TNFSF4: variants seen among roughly 807,000 people sequenced by gnomAD.
TNFSF4 encodes the protein TNF superfamily member 4, also known as tumor necrosis factor ligand superfamily member 4.
TNFSF4 carries 4 observed loss-of-function variants against 7.3 expected under a neutral mutation model. The ratio of observed to expected loss-of-function variants is 0.55; its 90% confidence interval spans 0.27 to 1.25. TNFSF4 has a LOEUF of 1.25. Ranked by LOEUF, TNFSF4 falls within the 50% of genes most tolerant of loss-of-function variation. TNFSF4 has a pLI of 0.12. For synonymous variants in TNFSF4, 76 were observed against 83.7 expected (o/e 0.91, Z 0.50); for missense variants, 181 against 208.8 (o/e 0.87, Z 0.82).
the TNFSF4 span, among the ~76,000 whole-genome samples, chr1:173,418,917 C>T: frequency 1.3e-5 from 2 of 152,244 alleles, no homozygotes; most frequent in East Asian, 3.9e-4. Flanking sequence ...ATTTCATGTG[C>T]TGGAAACTTA....
the TNFSF4 span, among the ~76,000 whole-genome samples, chr1:173,379,562 A>C: frequency 6.6e-6 from 1 of 152,182 alleles, no homozygotes; most frequent in Non-Finnish European, 1.5e-5. Flanking sequence ...TCAGCCACAG[A>C]TATCAGGAGA....
At chr1:173,364,433 A>T in the TNFSF4 span, among the ~76,000 whole-genome samples, 1 of 150,292 alleles carries the variant, frequency 6.7e-6, no homozygotes, top group Admixed American at 6.6e-5. Flanking sequence ...ATATTCACAG[A>T]TGTAAATTTG....
At chr1:173,376,925 C>A in the TNFSF4 span, among the ~76,000 whole-genome samples, 9 of 152,140 alleles carry the variant, frequency 5.9e-5, no homozygotes, top group Admixed American at 1.3e-4. Flanking sequence ...GAGGGAGGAA[C>A]AAACAACTCC....
At chr1:173,303,147 G>T in the TNFSF4 span, among the ~76,000 whole-genome samples, 1 of 151,866 alleles carries the variant, frequency 6.6e-6, no homozygotes, top group Non-Finnish European at 1.5e-5. Flanking sequence ...TAAGGATTCA[G>T]GGTGGGAGAG....
At chr1:173,435,519 C>T in the TNFSF4 span, among the ~76,000 whole-genome samples, 1 of 152,198 alleles carries the variant, frequency 6.6e-6, no homozygotes, top group African/African-American at 2.4e-5. Context: ...GAGCACACAT[C>T]TACAAGGCAG....
the TNFSF4 span, among the ~76,000 whole-genome samples, chr1:173,330,432 T>C: frequency 6.6e-6 from 1 of 151,972 alleles, no homozygotes; most frequent in African/African-American, 2.4e-5. Flanking sequence ...CACAAAATAA[T>C]TAATACCTAA....
chr1:173,303,224 T>C, the TNFSF4 span, among the ~76,000 whole-genome samples: 1 of 151,866 alleles, frequency 6.6e-6, no homozygotes, highest in South Asian at 2.1e-4. Flanking sequence ...GAGTTGTGTG[T>C]CTGTTCCCAC....
chr1:173,376,462 A>C, the TNFSF4 span, among the ~76,000 whole-genome samples: 1 of 152,182 alleles, frequency 6.6e-6, no homozygotes, highest in Non-Finnish European at 1.5e-5. Context: ...TAGGGGATGG[A>C]TACCATTAGT....
At chr1:173,393,085 G>C in the TNFSF4 span, among the ~76,000 whole-genome samples, 1 of 152,132 alleles carries the variant, frequency 6.6e-6, no homozygotes, top group African/African-American at 2.4e-5. Flanking sequence ...CTATATGTAG[G>C]CTTGGGTAGG....
At chr1:173,390,747 TTTC>T in the TNFSF4 span, among the ~76,000 whole-genome samples, 1 of 63,256 alleles carries the variant, frequency 1.6e-5, no homozygotes, top group African/African-American at 7.6e-5. Flanking sequence ...CTTTTTTTTT[TTTC>T]TTTTTTTTTT....
the TNFSF4 span, chr1:173,352,072 G>A: frequency 2.0e-5 from 6 of 304,026 alleles, no homozygotes; most frequent in Non-Finnish European, 3.6e-5. Context: ...ATATACTCAT[G>A]GTGGCCATTG....
the TNFSF4 span, among the ~76,000 whole-genome samples, chr1:173,324,198 G>A: frequency 6.6e-6 from 1 of 152,222 alleles, no homozygotes; most frequent in Admixed American, 6.5e-5. Context: ...AGGGGCGGGG[G>A]GGCCAATATT....
the TNFSF4 span, among the ~76,000 whole-genome samples, chr1:173,298,587 A>T: frequency 4.0e-5 from 6 of 151,578 alleles, no homozygotes; most frequent in African/African-American, 7.3e-5. Context: ...ACTCTGCACT[A>T]CTCTCAAATT....
the TNFSF4 span, among the ~76,000 whole-genome samples, chr1:173,373,142 A>G: frequency 6.6e-6 from 1 of 152,250 alleles, no homozygotes; most frequent in African/African-American, 2.4e-5. Flanking sequence ...TATGGAAAGA[A>G]AGGGAGTTCC....
At chr1:173,372,115 G>A in the TNFSF4 span, among the ~76,000 whole-genome samples, 1 of 152,172 alleles carries the variant, frequency 6.6e-6, no homozygotes, top group Non-Finnish European at 1.5e-5. Context: ...GCCCAGCTCT[G>A]CCTACAACAA....
the TNFSF4 span, chr1:173,362,365 C>T: frequency 8.1e-6 from 3 of 372,096 alleles, no homozygotes; most frequent in African/African-American, 6.3e-5. Context: ...ATGTTGCACT[C>T]ATACTGTACG....
At chr1:173,423,958 A>G in the TNFSF4 span, among the ~76,000 whole-genome samples, 1 of 152,122 alleles carries the variant, frequency 6.6e-6, no homozygotes, top group African/African-American at 2.4e-5. Flanking sequence ...CCAAGGAGGT[A>G]CCTTACGCAC....
the TNFSF4 span, among the ~76,000 whole-genome samples, chr1:173,289,096 C>G: frequency 6.6e-6 from 1 of 151,950 alleles, no homozygotes; most frequent in African/African-American, 2.4e-5. Context: ...TTGAGGGGAA[C>G]AGGGAGGCCA....
the TNFSF4 span, among the ~76,000 whole-genome samples, chr1:173,288,270 T>C: frequency 2.0e-5 from 3 of 152,026 alleles, no homozygotes; most frequent in Non-Finnish European, 4.4e-5. Context: ...CTAGGCAACA[T>C]GGCAAAACTG....
Sources: gnomAD v4.1 joint callset for allele counts (sites outside exome capture counted in the v4.1 genomes callset) on GRCh38, gnomAD v4.1.1 for gene constraint, MANE v1.5 for transcripts, NCBI Gene and HGNC (gene_info 2026-07-23, HGNC 2026-07-21) for gene names.